Variants in TF observed in about 807,000 individuals in gnomAD.
The protein encoded by TF is serotransferrin.
TF carries 55 observed loss-of-function variants against 82.4 expected under a neutral mutation model. That is an observed-to-expected ratio of 0.67 (90% CI 0.54 to 0.84). TF has a LOEUF of 0.84. Ranked by LOEUF, TF falls within the 40% of genes least tolerant of loss-of-function variation. TF has a pLI of 0.00. For missense variants in TF, 737 were observed against 868.4 expected, an observed-to-expected ratio of 0.85 and a Z score of 1.90; for synonymous variants, 332 against 332.6, an observed-to-expected ratio of 1.00 and a Z score of 0.02.
At chr3:133,765,030 A>C (rs1024778973) in intron 11 of TF, 123 bp downstream of exon 11, 3 of 943,002 alleles carry the variant, frequency 3.2e-6, no homozygotes, top group South Asian at 2.7e-5. Context: ...AATGCGAGAG[A>C]ATCATGGAAG....
the TF span, among the ~76,000 whole-genome samples, chr3:133,717,384 G>A: frequency 1.3e-5 from 2 of 152,132 alleles, no homozygotes; most frequent in African/African-American, 4.8e-5. Flanking sequence ...GACAACACAT[G>A]ATTTTTTAAT....
chr3:133,748,332 T>C (rs1576354192), intron 1 of TF, 80 bp from the exon 2 acceptor site: 2 of 1,577,278 alleles, frequency 1.3e-6, no homozygotes, highest in South Asian at 2.3e-5. Context: ...GATGTGGCTG[T>C]CAAGGCCTTT....
intron 2 of TF, 115 bp downstream of exon 2, chr3:133,748,699 C>G (rs983896282): frequency 2.3e-6 from 3 of 1,308,766 alleles, no homozygotes; most frequent in African/African-American, 2.9e-5. Context: ...GGCAGTCAAC[C>G]TTGACTTACT....
At chr3:133,738,573 C>T in the TF span, among the ~76,000 whole-genome samples, 1 of 129,478 alleles carries the variant, frequency 7.7e-6, no homozygotes, top group African/African-American at 3.1e-5. Flanking sequence ...CCCATCGTCT[C>T]AGTCCAAAAT....
the TF span, among the ~76,000 whole-genome samples, chr3:133,686,262 C>T: frequency 6.6e-6 from 1 of 152,180 alleles, no homozygotes; most frequent in Admixed American, 6.5e-5. Context: ...AAAACCTAGG[C>T]AATACCATTC....
At chr3:133,777,330 C>G in intron 16 of TF, 92 bp downstream of exon 16, 6 of 1,281,748 alleles carry the variant, frequency 4.7e-6, no homozygotes, top group Non-Finnish European at 6.7e-6. Context: ...AGGCTGTGGC[C>G]CTTGGGATAG....
intron 7 of TF, among the ~76,000 whole-genome samples, chr3:133,757,432 C>G (rs1465339793): frequency 6.6e-6 from 1 of 152,196 alleles, no homozygotes; most frequent in East Asian, 1.9e-4. Context: ...TTGGGCTCAG[C>G]CAGCTTCCTC....
At chr3:133,679,592 T>TTTTTC in the TF span, among the ~76,000 whole-genome samples, 2 of 149,624 alleles carry the variant, frequency 1.3e-5, no homozygotes, top group African/African-American at 2.5e-5. Flanking sequence ...TTTTTTTTTT[T>TTTTTC]TACTCAGCAT....
chr3:133,727,732 T>C, the TF span, among the ~76,000 whole-genome samples: 1 of 130,820 alleles, frequency 7.6e-6, no homozygotes, highest in Non-Finnish European at 1.6e-5. Flanking sequence ...CGTTAGTTGA[T>C]GCAGTTTCTT....
the TF span, among the ~76,000 whole-genome samples, chr3:133,701,490 C>T: frequency 6.6e-6 from 1 of 152,170 alleles, no homozygotes; most frequent in Non-Finnish European, 1.5e-5. Context: ...TAGGTATTTG[C>T]ATCTACAGAA....
the TF span, among the ~76,000 whole-genome samples, chr3:133,672,998 A>G: frequency 2.6e-5 from 4 of 152,232 alleles, 1 homozygote; most frequent in South Asian, 8.3e-4. Flanking sequence ...AATAATATTT[A>G]AAACAAAACA....
chr3:133,755,823 G>A (rs1933810783), intron 5 of TF: 2 of 472,808 alleles, frequency 4.2e-6, no homozygotes, highest in Non-Finnish European at 7.8e-6. Context: ...CCACTGTCCA[G>A]GGACTGGCCC....
chr3:133,720,688 A>G, the TF span, among the ~76,000 whole-genome samples: 2 of 152,140 alleles, frequency 1.3e-5, no homozygotes, highest in Non-Finnish European at 2.9e-5. Context: ...TCTTCTTTAA[A>G]TGTTTAGTGG....
the TF span, among the ~76,000 whole-genome samples, chr3:133,734,339 C>T: frequency 6.6e-6 from 1 of 152,082 alleles, no homozygotes; most frequent in Non-Finnish European, 1.5e-5. Context: ...ATAGAGATCC[C>T]AGAGCTGGTA....
Position 133,782,486 on chromosome 3 carries a change from A to G in TF, c.*3866A>G, listed in dbSNP as rs1169304089. 5 of 152,186 alleles carry G rather than the reference A, an allele frequency of 3.3e-5. No homozygotes were observed. The highest frequency in any genetic ancestry group is 7.3e-5 in the Non-Finnish European group (5 of 68,034). The allele number at this position is 152,186 out of a possible 1,614,324, so 9.4% of individuals were successfully genotyped here. On this transcript the variant is annotated 3_prime_UTR_variant, in exon 17 of 17. Coordinates refer to ENST00000402696, the MANE Select transcript of TF (RefSeq NM_001063.4). ...TAAAAAGAATATCTTGCCATTTGCC[A>G]CAACATGGATGAAACTGGAGGATAT...
chr3:133,685,924 A>G, the TF span, among the ~76,000 whole-genome samples: 2 of 152,224 alleles, frequency 1.3e-5, no homozygotes, highest in African/African-American at 4.8e-5. Flanking sequence ...AGCTGGAGGC[A>G]TCACGCTACC....
At chr3:133,755,274 C>G in intron 4 of TF, 89 bp from the exon 5 acceptor site, 2 of 1,590,794 alleles carry the variant, frequency 1.3e-6, no homozygotes, top group Non-Finnish European at 1.7e-6. Context: ...TTAGTCCCCT[C>G]TGTTCCCTGA....
At chr3:133,755,601 C>T (rs866057542) in intron 5 of TF, 106 bp downstream of exon 5, 15 of 1,513,120 alleles carry the variant, frequency 9.9e-6, no homozygotes, top group Middle Eastern at 3.7e-4. Context: ...ACAGGGGCAT[C>T]GAGGTGGCCT....
At chr3:133,674,327 G>C in the TF span, among the ~76,000 whole-genome samples, 1 of 152,244 alleles carries the variant, frequency 6.6e-6, no homozygotes, top group Non-Finnish European at 1.5e-5. Context: ...CTCCGAAGCT[G>C]CTCAGGCTCC....
Sources: gnomAD v4.1 joint callset for allele counts (sites outside exome capture counted in the v4.1 genomes callset) on GRCh38, gnomAD v4.1.1 for gene constraint, MANE v1.5 for transcripts, NCBI Gene and HGNC (gene_info 2026-07-23, HGNC 2026-07-21) for gene names.